COL18A1: variants seen among roughly 807,000 people sequenced by gnomAD.
COL18A1 encodes the protein collagen alpha-1(XVIII) chain.
In COL18A1, 133 loss-of-function variants were observed where a neutral mutation model predicts 168.0. The observed-to-expected ratio is 0.79, with a 90% CI of 0.69 to 0.91. The LOEUF (loss-of-function observed/expected upper bound fraction) is 0.91, where lower values mean the gene tolerates loss of function less well. Ranked by LOEUF, COL18A1 falls within the 40% of genes least tolerant of loss-of-function variation. COL18A1 has a pLI of 0.00. For missense variants in COL18A1, 2,126 were observed against 1,925.4 expected (o/e 1.10, Z -1.95); for synonymous variants, 949 against 809.0 (o/e 1.17, Z -2.94).
At chr21:45,508,159 A>G (rs114190086) in intron 38 of COL18A1, among the ~76,000 whole-genome samples, 3,054 of 142,388 alleles carry the variant, frequency 0.021, 104 homozygotes, top group African/African-American at 0.077. Flanking sequence ...GGGTGAGTGG[A>G]TAGGTAGGTA....
At chr21:45,499,062 TTCC>T in intron 32 of COL18A1, among the ~76,000 whole-genome samples, 1 of 152,158 alleles carries the variant, frequency 6.6e-6, no homozygotes, top group African/African-American at 2.4e-5. Context: ...GCTCAGAGCA[TTCC>T]CCTCATTCGA....
At position 45,480,182 on chromosome 21, in the gene COL18A1, G is replaced by A. The variant is rs368674626; in HGVS notation, c.1398+26G>A. ...GTAAGTCCCGCCCTTGGCTTCCTGC[G>A]ACCCGGGGTCTGCCCTCCTCAAAAG... On this transcript the variant is annotated intron_variant, in intron 11 of 41. Transcript: ENST00000651438. 978 of 1,373,646 alleles carry A rather than the reference G, an allele frequency of 7.1e-4. 3 individuals are homozygous for A. The Admixed American group carries it at 8.5e-3, about 12-fold the overall frequency. The allele number at this position is 1,373,646 out of a possible 1,614,324, so 85.1% of individuals were successfully genotyped here. A position where few individuals can be genotyped will look rare whatever the true frequency, so the allele number is the denominator to read the frequency against.
chr21:45,481,656 C>T (rs117161755), intron 13 of COL18A1, among the ~76,000 whole-genome samples: 21 of 152,256 alleles, frequency 1.4e-4, no homozygotes, highest in African/African-American at 4.6e-4. Context: ...CATGCCTAAT[C>T]CATATTCACG....
Position 45,423,227 on chromosome 21 carries a change from A to G in COL18A1, c.106+17754A>G, listed in dbSNP as rs762196637. 6.6e-6 allele frequency among the ~76,000 whole-genome samples: 1 copy of G among 152,144 alleles called. No homozygotes were observed. Among genetic ancestry groups the G allele is most frequent in the African/African-American group, 2.4e-5 (1 of 41,422 alleles). ...AGTTGGAAACCATGGCTTATGTTCC[A>G]TGGTGACATGGTTCTTGAGGGTTAG... On this transcript the variant is annotated intron_variant, in intron 2 of 41. Coordinates refer to ENST00000651438, the MANE Select transcript of COL18A1 (RefSeq NM_001379500.1). This position sits in a 1 kb window ranked among gnomAD's most constrained non-coding sequence, Gnocchi z 4.0.
intron 2 of COL18A1, among the ~76,000 whole-genome samples, chr21:45,440,978 G>C (rs1385545826): frequency 6.6e-6 from 1 of 152,298 alleles, no homozygotes; most frequent in East Asian, 1.9e-4. Context: ...CTCATAGGAG[G>C]CTCAGCAGTT....
chr21:45,448,870 T>A lies in COL18A1; in HGVS notation c.107-19372T>A, dbSNP rs938308721. 2.6e-5 allele frequency among the ~76,000 whole-genome samples: 4 copies of A among 152,166 alleles called. No individual in the cohort carries two copies. In the East Asian group the frequency reaches 7.7e-4, roughly 29 times the overall value. On this transcript the variant is annotated intron_variant, in intron 2 of 41. Transcript: ENST00000651438. The stretch of plus-strand genomic sequence containing the variant: ...CTGGAGCAGCCCTGCCCGCCCCCGC[T>A]GCCCCACCGCCTTCTTCCTAACGTG...
chr21:45,497,465 C>A, intron 31 of COL18A1, 134 bp from the exon 32 acceptor site: 1 of 1,260,798 alleles, frequency 7.9e-7, no homozygotes, highest in Non-Finnish European at 1.1e-6. Flanking sequence ...AGCTCCTACC[C>A]TGACTGTCCC....
intron 26 of COL18A1, chr21:45,493,924 C>T: frequency 2.9e-6 from 1 of 342,970 alleles, no homozygotes; most frequent in Non-Finnish European, 5.5e-6. Flanking sequence ...AGGTTTCTGG[C>T]TGCCCCTCCA....
rs576072076 is a variant in COL18A1 at position 45,463,705 on chromosome 21, C to T, written c.107-4537C>T. 5.9e-5 allele frequency among the ~76,000 whole-genome samples: 9 copies of T among 152,244 alleles called. No homozygotes were observed. The highest frequency in any genetic ancestry group is 2.2e-4 in the African/African-American group (9 of 41,558). On this transcript the variant is annotated intron_variant, in intron 2 of 41. Transcript: ENST00000651438. The surrounding 1 kb of genome is among the most constrained non-coding windows in gnomAD (Gnocchi z 4.0). ...CTGAGGTCGGGAGTTGGAGACCAGC[C>T]TGACCAACACGGAGAAACCCCATCT...
chr21:45,455,926 C>A, intron 2 of COL18A1: 1 of 1,613,072 alleles, frequency 6.2e-7, no homozygotes, highest in South Asian at 1.1e-5. Flanking sequence ...ATGACACTGT[C>A]CCCACTGAGA....
intron 3 of COL18A1, among the ~76,000 whole-genome samples, chr21:45,469,874 A>G (rs934862100): frequency 1.3e-5 from 2 of 152,206 alleles, no homozygotes; most frequent in Non-Finnish European, 2.9e-5. Flanking sequence ...AGAGCTCAGG[A>G]GCCGCTAGGA....
rs1293806020 is a variant in COL18A1, at chr21:45,456,470, CCGGGTCTTGCTAA to C, written c.107-11771_107-11759del. 7.1e-6 allele frequency: 11 copies of C among 1,545,460 alleles called. No individual in the cohort carries two copies. The Admixed American group carries it at 2.2e-4, about 30-fold the overall frequency. On this transcript the variant is annotated intron_variant, in intron 2 of 41. Transcript: ENST00000651438. ...CTCCCACGTGGCTAACTCTGTGGGG[CCGGGTCTTGCTAA>C]TAACTCTGCCCTGCTCGGGGCTGAC... is the stretch of plus-strand genomic sequence containing the variant.
rs773571358 is a variant in COL18A1, at chr21:45,505,406, C to T, written c.3062C>T (p.Pro1021Leu). The T allele has an allele frequency of 6.3e-7, 1 of 1,576,354 alleles. No individual in the cohort carries two copies. The highest frequency in any genetic ancestry group is 8.7e-7 in the Non-Finnish European group (1 of 1,152,434). The change falls in exon 36 of 42, where the codon CCT becomes CTT. Residue 1021 changes from proline to leucine, a missense_variant. Coordinates refer to ENST00000651438, the MANE Select transcript of COL18A1 (RefSeq NM_001379500.1). ...PPGPPGPPGP[P>L]GTMGASSGVR... ...GGCCCCCCTGGGCCCCCTGGGCCCC[C>T]TGGAACCATGGGCGCCTCCTCAGGG... is the stretch of plus-strand genomic sequence containing the variant.
In COL18A1 at chr21:45,456,397, G is replaced by C. The variant is rs2034817317; in HGVS notation, c.107-11845G>C. On this transcript the variant is annotated intron_variant, in intron 2 of 41. Transcript: ENST00000651438. ...TCTCCTCTGGGCTCCCGGGCGCACT[G>C]TCTCAGGTCGCAGTCACCACTTTAA... 5 of 1,546,522 alleles carry C rather than the reference G, an allele frequency of 3.2e-6. 1 individual carries two copies. In the South Asian group the frequency reaches 6.0e-5, roughly 18 times the overall value.
In COL18A1 at chr21:45,505,853, A is replaced by G; in HGVS notation, c.3103A>G (p.Thr1035Ala). 1 of 1,604,020 alleles carries G rather than the reference A, an allele frequency of 6.2e-7. No homozygotes were observed. The highest frequency in any genetic ancestry group is 8.5e-7 in the Non-Finnish European group (1 of 1,176,588). ...GTCCCAGCAGGTGAGGCTCTGGGCT[A>G]CACGCCAGGCCATGCTGGGCCAGGT... ...GASSGVRLWATRQAMLGQVHE... is the reference protein window; with the variant it reads ...GASSGVRLWAARQAMLGQVHE... Residue 1035 changes from threonine (T) to alanine (A), a missense_variant, in exon 37 of 42, where the codon ACA becomes GCA. Physicochemically the swap from Thr to Ala is moderately conservative, Grantham distance 58 (BLOSUM62 0). Coordinates refer to ENST00000651438, the MANE Select transcript of COL18A1 (RefSeq NM_001379500.1).
chr21:45,474,132 T>TTC, intron 4 of COL18A1, 151 bp downstream of exon 4: 1 of 640,070 alleles, frequency 1.6e-6, no homozygotes, highest in East Asian at 2.7e-5. Context: ...CTGTAGCACC[T>TTC]CAGAGCCCTT....
chr21:45,486,844 C>G lies in COL18A1; in HGVS notation c.1702-17C>G. 2 of 1,526,902 alleles carry G rather than the reference C, an allele frequency of 1.3e-6. No homozygotes were observed. Among genetic ancestry groups the G allele is most frequent in the South Asian group, 1.2e-5 (1 of 82,768 alleles). The allele number at this position is 1,526,902 out of a possible 1,614,324, so 94.6% of individuals were successfully genotyped here. ...GGGCTGGGCTGGGTCCTGACACGCT[C>G]TCCTCACCCCACGCAGGGGAGCAAG... On this transcript the variant is annotated splice_polypyrimidine_tract_variant and intron_variant, in intron 15 of 41. Coordinates refer to ENST00000651438, the MANE Select transcript of COL18A1 (RefSeq NM_001379500.1).
chr21:45,476,218 G>C (rs2035644033), intron 5 of COL18A1, 133 bp from the exon 6 acceptor site: 1 of 1,363,922 alleles, frequency 7.3e-7, no homozygotes, highest in African/African-American at 1.4e-5. Flanking sequence ...CACGGCCCTG[G>C]AGCACCCTCC....
intron 2 of COL18A1, 149 bp downstream of exon 2, chr21:45,405,622 C>T (rs1478981270): frequency 5.3e-6 from 2 of 380,536 alleles, no homozygotes; most frequent in Non-Finnish European, 8.5e-6. Flanking sequence ...GCGCCGGAGC[C>T]GGACGGAGCG....
Sources: allele counts gnomAD v4.1 joint callset (sites outside exome capture counted in the v4.1 genomes callset), GRCh38; gene constraint gnomAD v4.1.1; non-coding constraint Gnocchi (gnomAD v3.1); transcripts MANE v1.5; gene names NCBI Gene and HGNC (gene_info 2026-07-23, HGNC 2026-07-21).